The following LAMC1 variants were observed in gnomAD, a reference collection of about 807,000 sequenced individuals.
The protein encoded by LAMC1 is laminin subunit gamma 1, also known as laminin subunit gamma-1.
A neutral mutation model predicts 173.6 loss-of-function variants in LAMC1; 38 were observed. The observed-to-expected ratio is 0.22, with a 90% confidence interval of 0.17 to 0.29. LAMC1 has a LOEUF of 0.29. Among genes scored for constraint, LAMC1 ranks in the 10% least tolerant of loss-of-function variants. The pLI is 1.00. For missense variants in LAMC1, 1,824 were observed against 2,051.8 expected (o/e 0.89, Z 2.14); for synonymous variants, 746 against 749.1 (o/e 1.00, Z 0.07).
At chr1:183,041,543 T>C (rs1360201552) in intron 1 of LAMC1, among the ~76,000 whole-genome samples, 1 of 152,214 alleles carries the variant, frequency 6.6e-6, no homozygotes, top group Non-Finnish European at 1.5e-5. Flanking sequence ...AGGGGTGCTA[T>C]ATTGTATTGT....
intron 20 of LAMC1, among the ~76,000 whole-genome samples, chr1:183,132,124 C>T (rs1441745448): frequency 6.6e-6 from 1 of 152,110 alleles, no homozygotes; most frequent in Non-Finnish European, 1.5e-5. Context: ...CATGGCGAAA[C>T]CCATCTCTAC....
chr1:183,130,893 G>T (rs1482544543), intron 19 of LAMC1, among the ~76,000 whole-genome samples: 1 of 152,114 alleles, frequency 6.6e-6, no homozygotes, highest in African/African-American at 2.4e-5. Flanking sequence ...GTATTCTTGG[G>T]GCCAGGCGCG....
intron 1 of LAMC1, chr1:183,096,557 A>T (rs1194537563): frequency 2.6e-5 from 4 of 152,234 alleles, no homozygotes; most frequent in Non-Finnish European, 5.9e-5. Flanking sequence ...TATTGCCTGT[A>T]CTCAGAAAAC....
chr1:183,098,289 C>T (rs1310034858), intron 1 of LAMC1, among the ~76,000 whole-genome samples: 1 of 152,194 alleles, frequency 6.6e-6, no homozygotes, highest in African/African-American at 2.4e-5. Context: ...TAAAAAGCTC[C>T]TTAGTGTTCC....
At chr1:183,035,132 C>T (rs1327661363) in intron 1 of LAMC1, among the ~76,000 whole-genome samples, 2 of 152,000 alleles carry the variant, frequency 1.3e-5, no homozygotes, top group African/African-American at 2.4e-5. Flanking sequence ...CTCTGGATTT[C>T]GACTGCTTCT....
chr1:183,123,932 C>G (rs1016042702), intron 13 of LAMC1, among the ~76,000 whole-genome samples: 1 of 152,168 alleles, frequency 6.6e-6, no homozygotes, highest in African/African-American at 2.4e-5. Context: ...ACGAGCCCAA[C>G]TTGAACTAAT....
chr1:183,103,702 G>A, intron 2 of LAMC1, 70 bp downstream of exon 2: 1 of 1,356,384 alleles, frequency 7.4e-7, no homozygotes, highest in East Asian at 2.3e-5. Context: ...GATTATTGTA[G>A]TGGGGCTTGT....
intron 1 of LAMC1, among the ~76,000 whole-genome samples, chr1:183,030,692 C>G (rs1653828095): frequency 6.6e-6 from 1 of 152,194 alleles, no homozygotes; most frequent in South Asian, 2.1e-4. Flanking sequence ...TATGACTGTC[C>G]TTTTTTGGGT....
intron 1 of LAMC1, among the ~76,000 whole-genome samples, chr1:183,067,318 C>A (rs553110986): frequency 6.6e-6 from 1 of 152,096 alleles, no homozygotes; most frequent in Non-Finnish European, 1.5e-5. Flanking sequence ...TTTGTCATTG[C>A]ATTTTTAAAG....
In LAMC1 at chr1:183,117,428, A is replaced by G. The variant is rs538012337; in HGVS notation, c.1673A>G (p.Tyr558Cys). ...AVISDSYFPR[Y>C]FIAPAKFLGK... ...ATCTCAGACAGCTACTTTCCTCGGT[A>G]CTTCATTGCTCCTGGTAAGTAAGGC... is the stretch of plus-strand genomic sequence containing the variant. The change falls in exon 9 of 28, where the codon TAC becomes TGC. Residue 558 changes from tyrosine to cysteine, a missense_variant. Tyr to Cys is a radical substitution (Grantham distance 194). Coordinates refer to ENST00000258341, the MANE Select transcript of LAMC1 (RefSeq NM_002293.4). The G allele has an allele frequency of 3.1e-6, 5 of 1,613,442 alleles. No homozygotes were observed. The highest frequency in any genetic ancestry group is 4.2e-6 in the Non-Finnish European group (5 of 1,179,526).
At chr1:183,116,536 TCTCC>T in intron 6 of LAMC1, 37 bp from the exon 7 acceptor site, 1 of 1,367,860 alleles carries the variant, frequency 7.3e-7, no homozygotes, top group Non-Finnish European at 1.0e-6. Context: ...GTGGAAGTTT[TCTCC>T]CTTCTCTGAT....
intron 1 of LAMC1, among the ~76,000 whole-genome samples, chr1:183,046,837 C>G (rs1654279473): frequency 2.0e-5 from 3 of 151,962 alleles, no homozygotes; most frequent in Admixed American, 1.3e-4. Flanking sequence ...TAAAAAAATT[C>G]CCCTTAAATA....
rs1166612934 is a variant in LAMC1, at chr1:183,023,613, G to A, written c.-104G>A. 1 of 905,844 alleles carries A rather than the reference G, an allele frequency of 1.1e-6. No individual in the cohort carries two copies. Among genetic ancestry groups the A allele is most frequent in the African/African-American group, 1.8e-5 (1 of 56,412 alleles). The allele number at this position is 905,844 out of a possible 1,614,324, so 56.1% of individuals were successfully genotyped here. A position where few individuals can be genotyped will look rare whatever the true frequency, so the allele number is the denominator to read the frequency against. On this transcript the variant is annotated 5_prime_UTR_variant, in exon 1 of 28. Transcript: ENST00000258341. The stretch of plus-strand genomic sequence containing the variant: ...GCCCGCGCCGGAGTCAGGCCCCTGG[G>A]CCCCCAGGCTCAAGCAGCGAAGCGG...
intron 1 of LAMC1, among the ~76,000 whole-genome samples, chr1:183,036,059 T>A (rs551731448): frequency 6.6e-6 from 1 of 151,948 alleles, no homozygotes; most frequent in Non-Finnish European, 1.5e-5. Flanking sequence ...CCATGTTTCC[T>A]GGAAAACTAC....
intron 1 of LAMC1, among the ~76,000 whole-genome samples, chr1:183,034,781 G>A (rs1653935721): frequency 6.6e-6 from 1 of 152,192 alleles, no homozygotes; most frequent in Non-Finnish European, 1.5e-5. Context: ...GGAGCAATGA[G>A]GACGTGCCAG....
In LAMC1 at chr1:183,142,927, A is replaced by G; in HGVS notation, c.*137A>G. ...CCATGACTGTCCTTTTGAACCAGGA[A>G]AAGTCACAGAGTTTAAAGAGAAGCA... On this transcript the variant is annotated 3_prime_UTR_variant, in exon 28 of 28. Transcript: ENST00000258341. 9.0e-6 allele frequency: 8 copies of G among 885,686 alleles called. No individual in the cohort carries two copies. Among genetic ancestry groups the G allele is most frequent in the Non-Finnish European group, 1.4e-5 (8 of 590,100 alleles). The allele number at this position is 885,686 out of a possible 1,614,324, so 54.9% of individuals were successfully genotyped here.
intron 1 of LAMC1, among the ~76,000 whole-genome samples, chr1:183,082,403 A>G (rs1267258931): frequency 6.6e-6 from 1 of 152,216 alleles, no homozygotes; most frequent in East Asian, 1.9e-4. Context: ...TTCGAATACT[A>G]AAGAGATTGC....
At chr1:183,061,646 G>A (rs1477006094) in intron 1 of LAMC1, among the ~76,000 whole-genome samples, 2 of 152,100 alleles carry the variant, frequency 1.3e-5, no homozygotes, top group African/African-American at 4.8e-5. Context: ...TATGAAAAAT[G>A]TCAAAAGGAA....
intron 1 of LAMC1, among the ~76,000 whole-genome samples, chr1:183,064,918 T>TCA (rs985198412): frequency 2.0e-5 from 3 of 152,098 alleles, no homozygotes; most frequent in Non-Finnish European, 4.4e-5. Flanking sequence ...CAGGGTGCAC[T>TCA]CACACACACC....
Sources: gnomAD v4.1 joint callset for allele counts (sites outside exome capture counted in the v4.1 genomes callset) on GRCh38, gnomAD v4.1.1 for gene constraint, MANE v1.5 for transcripts, NCBI Gene and HGNC (gene_info 2026-07-23, HGNC 2026-07-21) for gene names.